CD81: variants seen among roughly 807,000 people sequenced by gnomAD.
CD81 encodes CD81 molecule, also known as CD81 antigen.
Under a neutral mutation model 30.1 loss-of-function variants are expected in CD81, and 10 were observed. The ratio of observed to expected loss-of-function variants is 0.33; its 90% CI spans 0.21 to 0.56. The LOEUF (loss-of-function observed/expected upper bound fraction) is 0.56. Among genes scored for constraint, CD81 ranks in the 20% least tolerant of loss-of-function variants. The probability of loss-of-function intolerance (pLI) is 0.89; values close to 1 mark genes in which losing one functional copy is unlikely to be tolerated. For missense variants in CD81, 263 were observed against 308.7 expected, an observed-to-expected ratio of 0.85 and a Z score of 1.11; for synonymous variants, 147 against 126.4, an observed-to-expected ratio of 1.16 and a Z score of -1.10.
chr11:2,386,110 T>G (rs1189976840), intron 1 of CD81: 1 of 717,326 alleles, frequency 1.4e-6, no homozygotes, highest in Admixed American at 2.0e-5. Flanking sequence ...CTGGGTGCGC[T>G]CGGCATGTGG....
intron 1 of CD81, among the ~76,000 whole-genome samples, chr11:2,381,855 T>G (rs1227490752): frequency 6.6e-6 from 1 of 152,224 alleles, no homozygotes; most frequent in Non-Finnish European, 1.5e-5. Flanking sequence ...TTCAGTGATC[T>G]CCACTTCCAA....
At position 2,377,469 on chromosome 11, in the gene CD81, C is replaced by A; in HGVS notation, c.-81C>A. 2 of 540,142 alleles carry A rather than the reference C, an allele frequency of 3.7e-6. No homozygotes were observed. Among genetic ancestry groups the A allele is most frequent in the Non-Finnish European group, 4.7e-6 (2 of 425,204 alleles). The allele number at this position is 540,142 out of a possible 1,614,324, so 33.5% of individuals were successfully genotyped here. On this transcript the variant is annotated 5_prime_UTR_variant, in exon 1 of 8. Transcript: ENST00000263645. This position sits in a 1 kb window ranked among gnomAD's most constrained non-coding sequence, Gnocchi z 7.7. ...TCGGCCCGCCAGGCCCCCTTGCCGG[C>A]CACCCGCCAGGCCCCGCGCCGGCCC...
At chr11:2,394,240 G>T in intron 3 of CD81, 48 bp downstream of exon 3, 1 of 1,311,096 alleles carries the variant, frequency 7.6e-7, no homozygotes, top group Admixed American at 1.8e-5. Flanking sequence ...GGGGCTGGGG[G>T]CTGCGTCTGG....
At chr11:2,394,055 G>A (rs764569621) in intron 2 of CD81, 40 bp from the exon 3 acceptor site, 3 of 1,487,710 alleles carry the variant, frequency 2.0e-6, no homozygotes, top group East Asian at 2.3e-5. Context: ...GGGCTGTGGC[G>A]AGTGTGTAGG....
intron 4 of CD81, 51 bp downstream of exon 4, chr11:2,395,097 CCT>C (rs1849972707): frequency 1.3e-6 from 2 of 1,482,322 alleles, no homozygotes; most frequent in East Asian, 2.3e-5. Flanking sequence ...GGGGCACCCT[CCT>C]CTCCTGTCGC....
At chr11:2,394,523 GC>G (rs1331336767) in intron 3 of CD81, among the ~76,000 whole-genome samples, 1 of 152,212 alleles carries the variant, frequency 6.6e-6, no homozygotes, top group African/African-American at 2.4e-5. Flanking sequence ...CCAGGGCCTG[GC>G]CAGTCCAGGA....
chr11:2,384,790 G>C (rs1229931764), intron 1 of CD81: 1 of 154,698 alleles, frequency 6.5e-6, no homozygotes, highest in African/African-American at 2.4e-5. Context: ...GGAGAGCCGA[G>C]TGCTGCTGTG....
Position 2,397,207 on chromosome 11 carries a change from GCTGTGT to G in CD81, c.*343_*348del. ...AGACTCAGCTTGGCCAACTTGGGGG[GCTGTGT>G]CCACCCAGCCCGCCCGTCCTGTGGG... On this transcript the variant is annotated 3_prime_UTR_variant, in exon 8 of 8. Coordinates refer to ENST00000263645, the MANE Select transcript of CD81 (RefSeq NM_004356.4). 2.4e-6 allele frequency: 1 copy of G among 420,606 alleles called. No homozygotes were observed. Among genetic ancestry groups the G allele is most frequent in the Middle Eastern group, 7.2e-4 (1 of 1,396 alleles). The allele number at this position is 420,606 out of a possible 1,614,324, so 26.1% of individuals were successfully genotyped here.
intron 1 of CD81, among the ~76,000 whole-genome samples, chr11:2,381,405 C>G (rs1228371041): frequency 6.6e-6 from 1 of 152,204 alleles, no homozygotes; most frequent in Non-Finnish European, 1.5e-5. Flanking sequence ...TTTGAGGGTC[C>G]TTCTCCTGCA....
intron 1 of CD81, among the ~76,000 whole-genome samples, chr11:2,389,741 T>A (rs1016289687): frequency 1.1e-4 from 16 of 152,224 alleles, no homozygotes; most frequent in African/African-American, 3.6e-4. Flanking sequence ...TTCCCAGGGC[T>A]GACATCCCAC....
At chr11:2,379,296 G>T (rs1341313062) in intron 1 of CD81, 3 of 439,000 alleles carry the variant, frequency 6.8e-6, no homozygotes, top group Non-Finnish European at 1.4e-5. Flanking sequence ...GGCAGGGGCC[G>T]AGGGAGGGTG....
chr11:2,385,223 CA>C (rs1849770289), intron 1 of CD81, among the ~76,000 whole-genome samples: 1 of 152,146 alleles, frequency 6.6e-6, no homozygotes, highest in African/African-American at 2.4e-5. Context: ...ACGTGATTGA[CA>C]CACAGTAAAT....
At chr11:2,387,948 G>A (rs992775931) in intron 1 of CD81, among the ~76,000 whole-genome samples, 8 of 152,242 alleles carry the variant, frequency 5.3e-5, no homozygotes, top group African/African-American at 9.6e-5. Flanking sequence ...GTTGTTTCGG[G>A]TGTGTGGAGA....
rs1589843567 is a variant in CD81, at chr11:2,378,227, C to T, written c.66+612C>T. Among the ~76,000 whole-genome samples, 2 of 152,194 alleles carry T rather than the reference C, an allele frequency of 1.3e-5. No homozygotes were observed. Among genetic ancestry groups the T allele is most frequent in the Admixed American group, 1.3e-4 (2 of 15,310 alleles). Reference sequence around the variant, plus strand: ...GCCTAAAAGGAGCGCAGACTCCCGCCGGGATGGCCCAGAAGCTGGGGTGCG... The same window carrying T: ...GCCTAAAAGGAGCGCAGACTCCCGCTGGGATGGCCCAGAAGCTGGGGTGCG... On this transcript the variant is annotated intron_variant, in intron 1 of 7. Transcript: ENST00000263645. This position sits in a 1 kb window ranked among gnomAD's most constrained non-coding sequence, Gnocchi z 4.9.
At position 2,377,439 on chromosome 11, in the gene CD81, G is replaced by T. The variant is rs1337139387; in HGVS notation, c.-111G>T. 7 of 105,246 alleles carry T rather than the reference G, an allele frequency of 6.7e-5. No individual in the cohort carries two copies. Among genetic ancestry groups the T allele is most frequent in the Non-Finnish European group, 1.1e-4 (6 of 54,792 alleles). 6.5% of individuals were successfully genotyped at this position (105,246 alleles called of 1,614,324 possible). On this transcript the variant is annotated 5_prime_UTR_variant, in exon 1 of 8. Transcript: ENST00000263645. The surrounding 1 kb of genome is among the most constrained non-coding windows in gnomAD (Gnocchi z 7.7). ...CCCGCGCCCCTTTCTTCGCGCCCCC[G>T]CCCCTCGGCCCGCCAGGCCCCCTTG...
At chr11:2,387,152 T>TG (rs1564991626) in intron 1 of CD81, among the ~76,000 whole-genome samples, 1 of 152,128 alleles carries the variant, frequency 6.6e-6, no homozygotes, top group African/African-American at 2.4e-5. Flanking sequence ...CAGGGAGGGC[T>TG]GGGGGTGGAT....
chr11:2,394,287 G>A (rs1196007622), intron 3 of CD81, 95 bp downstream of exon 3: 2 of 807,494 alleles, frequency 2.5e-6, no homozygotes, highest in Admixed American at 4.6e-5. Context: ...TCAGGGCGGA[G>A]CCTAGAATTC....
chr11:2,388,439 C>CTT (rs2133452616), intron 1 of CD81, among the ~76,000 whole-genome samples: 1 of 143,688 alleles, frequency 7.0e-6, no homozygotes, highest in South Asian at 2.1e-4. Context: ...GAGCACAGCC[C>CTT]CCTGCCCAAC....
In CD81 at chr11:2,395,858, G is replaced by A. The variant is rs772394309; in HGVS notation, c.460-11G>A. The A allele has an allele frequency of 1.9e-6, 3 of 1,597,950 alleles. No individual in the cohort carries two copies. Among genetic ancestry groups the A allele is most frequent in the South Asian group, 1.1e-5 (1 of 90,804 alleles). ...CATCCAGGGCTGACCTTGCACCCCT[G>A]CTCTCTGCAGCTTGACTGCTGTGGC... On this transcript the variant is annotated splice_polypyrimidine_tract_variant and intron_variant, in intron 5 of 7. Transcript: ENST00000263645.
Sources: gnomAD v4.1 joint callset for allele counts (sites outside exome capture counted in the v4.1 genomes callset) on GRCh38, gnomAD v4.1.1 for gene constraint, Gnocchi (gnomAD v3.1) non-coding constraint, MANE v1.5 for transcripts, NCBI Gene and HGNC (gene_info 2026-07-23, HGNC 2026-07-21) for gene names.